TEF: variants seen among roughly 807,000 people sequenced by gnomAD.
TEF encodes the protein thyrotroph embryonic factor.
In TEF, 3 loss-of-function variants were observed where a neutral mutation model predicts 20.8. The ratio of observed to expected loss-of-function variants is 0.14; its 90% CI spans 0.07 to 0.37. The LOEUF (loss-of-function observed/expected upper bound fraction) is 0.37. Among genes scored for constraint, TEF ranks in the 10% least tolerant of loss-of-function variants. The probability of loss-of-function intolerance (pLI) is 1.00; values close to 1 mark genes in which losing one functional copy is unlikely to be tolerated. For missense variants in TEF, 296 were observed against 397.9 expected, an observed-to-expected ratio of 0.74 and a Z score of 2.18; for synonymous variants, 180 against 171.1, an observed-to-expected ratio of 1.05 and a Z score of -0.41.
chr22:41,382,875 C>T (rs2037052484), intron 1 of TEF: 4 of 470,744 alleles, frequency 8.5e-6, no homozygotes, highest in Non-Finnish European at 1.8e-5. Context: ...TCCACTGAGG[C>T]CCTTCGCCTG....
chr22:41,395,837 C>A lies in TEF; in HGVS notation c.789C>A (p.Ile263=). ...GCCTGAAAGAGAATCAGATCACCAT[C>A]CGGGCAGCCTTCCTGGAGAAGGAGA... ...ARRLKENQIT[I]RAAFLEKENT... is the part of the protein sequence containing the mutation. The change falls in exon 4 of 4, where the codon ATC becomes ATA. Residue 263 remains isoleucine, a synonymous_variant. Coordinates refer to ENST00000266304, the MANE Select transcript of TEF (RefSeq NM_003216.4). The A allele has an allele frequency of 6.2e-7, 1 of 1,614,240 alleles. No individual in the cohort carries two copies. The highest frequency in any genetic ancestry group is 8.5e-7 in the Non-Finnish European group (1 of 1,180,046).
exon 1 of TEF, chr22:41,367,522 T>C: frequency 6.4e-7 from 1 of 1,550,708 alleles, no homozygotes. Flanking sequence ...TGGTTCTCAG[T>C]GGCCCCTGCC....
chr22:41,392,670 CAAAAAAAAAAAAA>C (rs920294546), intron 2 of TEF, among the ~76,000 whole-genome samples: 3 of 39,328 alleles, frequency 7.6e-5, no homozygotes, highest in African/African-American at 1.3e-4. Flanking sequence ...TGAGACTCTT[CAAAAAAAAAAAAA>C]AAAAAAAAAA....
chr22:41,382,168 C>G lies in TEF; in HGVS notation c.124C>G (p.Leu42Val). The change falls in exon 1 of 4, where the codon CTG (leucine) becomes GTG (valine). Residue 42 changes from leucine (L) to valine (V), a missense_variant. Around this residue, in one of 2 missense-constraint regions of TEF, gnomAD observed 102 missense variants for 80.1 expected, o/e 1.27. Coordinates refer to ENST00000266304, the MANE Select transcript of TEF (RefSeq NM_003216.4). The part of the protein sequence containing the change: ...SGSFPLVLKK[L>V]MENPPREARL... ...GTCCTTCCCCCTGGTCCTGAAGAAG[C>G]TGATGGAGAACCCCCCGCGCGAGGC... 1.6e-6 allele frequency: 2 copies of G among 1,235,570 alleles called. No individual in the cohort carries two copies. The highest frequency in any genetic ancestry group is 2.0e-6 in the Non-Finnish European group (2 of 990,348). The allele number at this position is 1,235,570 out of a possible 1,614,324, so 76.5% of individuals were successfully genotyped here.
rs1051845397 is a variant in TEF at position 41,367,703 on chromosome 22, G to A, written c.67+104G>A. On this transcript the variant is annotated intron_variant, in intron 1 of 3. Transcript: ENST00000406644. ...AGGACAGGCATCTCCAAGCCAGGGA[G>A]GGTCTCAGCAGTGGTGCGCCCTTGG... 6 of 1,216,054 alleles carry A rather than the reference G, an allele frequency of 4.9e-6. No homozygotes were observed. In the Admixed American group the frequency reaches 1.3e-4, roughly 26 times the overall value. The allele number at this position is 1,216,054 out of a possible 1,614,324, so 75.3% of individuals were successfully genotyped here. A position where few individuals can be genotyped will look rare whatever the true frequency, so the allele number is the denominator to read the frequency against.
chr22:41,389,307 A>C (rs2145985995), intron 2 of TEF, among the ~76,000 whole-genome samples: 1 of 152,286 alleles, frequency 6.6e-6, no homozygotes, highest in South Asian at 2.1e-4. Context: ...AGGCTGAGGC[A>C]GGAGAATGGC....
At chr22:41,383,123 A>C (rs1408038290) in intron 1 of TEF, 1 of 448,640 alleles carries the variant, frequency 2.2e-6, no homozygotes, top group Non-Finnish European at 4.6e-6. Flanking sequence ...TCAGTTATTC[A>C]GGGTTTGGGA....
intron 1 of TEF, among the ~76,000 whole-genome samples, chr22:41,374,394 C>CA (rs937114675): frequency 2.0e-5 from 3 of 151,642 alleles, no homozygotes; most frequent in South Asian, 2.1e-4. Flanking sequence ...ACTGAAAATA[C>CA]AAAAAAAATT....
At chr22:41,375,904 G>A (rs903461018) in intron 1 of TEF, among the ~76,000 whole-genome samples, 5 of 152,120 alleles carry the variant, frequency 3.3e-5, no homozygotes, top group South Asian at 4.2e-4. Flanking sequence ...ACAAAGCATC[G>A]TGCCCTCCTG....
intron 1 of TEF, among the ~76,000 whole-genome samples, chr22:41,371,902 G>A (rs568714793): frequency 4.1e-4 from 63 of 152,232 alleles, no homozygotes; most frequent in African/African-American, 1.5e-3. Flanking sequence ...GTACAGGAGG[G>A]GGCCTTGGTG....
chr22:41,372,621 C>A (rs9611566), intron 1 of TEF, among the ~76,000 whole-genome samples: 1 of 152,050 alleles, frequency 6.6e-6, no homozygotes, highest in South Asian at 2.1e-4. Context: ...TGTCTCGGGT[C>A]GTAGCTCTTC....
At chr22:41,382,283 G>A (rs2037040694) in intron 1 of TEF, 82 bp downstream of exon 1, 4 of 1,125,630 alleles carry the variant, frequency 3.6e-6, no homozygotes, top group Non-Finnish European at 4.5e-6. Context: ...GGCCGGGGAG[G>A]CAGTGGGTCA....
intron 1 of TEF, among the ~76,000 whole-genome samples, chr22:41,382,619 C>T (rs1268828362): frequency 6.6e-6 from 1 of 152,078 alleles, no homozygotes; most frequent in Admixed American, 6.6e-5. Flanking sequence ...CCATTATTTT[C>T]CAAGTACACC....
At chr22:41,381,186 G>A (rs553822656), upstream of TEF, among the ~76,000 whole-genome samples, 1 of 152,246 alleles carries the variant, frequency 6.6e-6, no homozygotes, top group Non-Finnish European at 1.5e-5. Flanking sequence ...GCGGTCCCCG[G>A]CCCTGCCCTC....
chr22:41,382,787 G>C (rs2037051379), intron 1 of TEF: 1 of 408,396 alleles, frequency 2.4e-6, no homozygotes. Flanking sequence ...GCGGGTGGGG[G>C]GGGTGTGGGC....
In TEF at chr22:41,387,359, A is replaced by G; in HGVS notation, c.166A>G (p.Lys56Glu). 3.1e-6 allele frequency: 5 copies of G among 1,614,188 alleles called. No individual in the cohort carries two copies. Among genetic ancestry groups the G allele is most frequent in the Non-Finnish European group, 4.2e-6 (5 of 1,180,024 alleles). ...PPREARLDKE[K>E]GKEKLEEDEA... ...AGATTTTGTTTCTGCAGATAAGGAA[A>G]AGGGGAAGGAAAAGCTGGAGGAGGA... The change falls in exon 2 of 4, where the codon AAG (lysine) becomes GAG (glutamate). Residue 56 changes from lysine (K) to glutamate (E), a missense_variant. Physicochemically the swap from Lys to Glu is moderately conservative, Grantham distance 56. Around this residue, in one of 2 missense-constraint regions of TEF, gnomAD observed 102 missense variants for 80.1 expected, o/e 1.27. Transcript: ENST00000266304.
chr22:41,371,945 G>A (rs906258881), intron 1 of TEF, among the ~76,000 whole-genome samples: 2 of 152,142 alleles, frequency 1.3e-5, no homozygotes, highest in Non-Finnish European at 2.9e-5. Context: ...GAAATGAGCC[G>A]AGAGTGTGGA....
upstream of TEF, among the ~76,000 whole-genome samples, chr22:41,379,051 G>A (rs62238185): frequency 6.6e-6 from 1 of 152,172 alleles, no homozygotes; most frequent in Non-Finnish European, 1.5e-5. Context: ...CAGAAACCCC[G>A]TAAGGTAGGC....
At chr22:41,370,185 G>T (rs549796593) in intron 1 of TEF, 165 of 777,060 alleles carry the variant, frequency 2.1e-4, no homozygotes, top group Non-Finnish European at 2.5e-4. Context: ...TGCTATCTCG[G>T]CTCACTGCAA....
Sources: allele counts gnomAD v4.1 joint callset (sites outside exome capture counted in the v4.1 genomes callset), GRCh38; gene constraint gnomAD v4.1.1; regional missense constraint gnomAD v4.1.1; transcripts MANE v1.5; gene names NCBI Gene and HGNC (gene_info 2026-07-23, HGNC 2026-07-21).